The following KIF13B variants were observed in gnomAD, a reference collection of about 807,000 sequenced individuals.
The protein encoded by KIF13B is kinesin-like protein KIF13B.
Under a neutral mutation model 222.0 loss-of-function variants are expected in KIF13B, and 127 were observed. The observed-to-expected ratio is 0.57, with a 90% CI of 0.50 to 0.66. The LOEUF is 0.66. Among genes scored for constraint, KIF13B ranks in the 30% least tolerant of loss-of-function variants. KIF13B has a pLI of 0.00. For synonymous variants in KIF13B, 976 were observed against 919.0 expected, an observed-to-expected ratio of 1.06 and a Z score of -1.12; for missense variants, 2,173 against 2,379.0, an observed-to-expected ratio of 0.91 and a Z score of 1.80.
In KIF13B at chr8:29,177,478, C is replaced by T; in HGVS notation, c.821G>A (p.Ser274Asn). The T allele has an allele frequency of 6.2e-7, 1 of 1,607,034 alleles. No homozygotes were observed. The highest frequency in any genetic ancestry group is 8.5e-7 in the Non-Finnish European group (1 of 1,173,560). ...TGAGAGCACTTACTTGTTAATGTTG[C>T]TCCCTTCCTTCAGCCTGTCCCCTGC... is the stretch of plus-strand genomic sequence containing the variant. ...GAAGDRLKEG[S>N]NINKSLTTLG... is the part of the protein sequence containing the mutation. Residue 274 changes from serine to asparagine, a missense_variant, in exon 9 of 40, where the codon AGC becomes AAC. Transcript: ENST00000524189.
chr8:29,142,127 A>C (rs760188675), intron 19 of KIF13B, 30 bp downstream of exon 19: 14 of 1,591,596 alleles, frequency 8.8e-6, no homozygotes, highest in Admixed American at 5.0e-5. Flanking sequence ...CATAATTACC[A>C]ATTAAGTGAT....
intron 37 of KIF13B, among the ~76,000 whole-genome samples, chr8:29,076,709 A>G (rs1180134813): frequency 6.6e-6 from 1 of 152,260 alleles, no homozygotes; most frequent in Non-Finnish European, 1.5e-5. Context: ...GAAGAAAAGT[A>G]TAAGAGGGAA....
Position 29,181,994 on chromosome 8 carries a change from C to T in KIF13B, c.510G>A (p.Thr170=), listed in dbSNP as rs776342043. ...ACACACTATGCTCTCTGACTTTCAA[C>T]GTCTGACGGCTTCTGTTCATGAAAA... The part of the protein sequence containing the change: ...DLLDPKGSRQ[T]LKVREHSVLG... Residue 170 remains threonine (T), a synonymous_variant, in exon 7 of 40, where the codon ACG becomes ACA. Coordinates refer to ENST00000524189, the MANE Select transcript of KIF13B (RefSeq NM_015254.4). 27 of 1,612,214 alleles carry T rather than the reference C, an allele frequency of 1.7e-5. 1 individual carries two copies. In the Middle Eastern group the frequency reaches 6.6e-4, roughly 39 times the overall value.
chr8:29,118,992 G>T lies in KIF13B; in HGVS notation c.3536C>A (p.Ala1179Asp), dbSNP rs761127372. ...HIPVIFLDLN[A>D]DDFSSQDNLD... ...ATTATCCTGAGAGCTGAAATCATCA[G>T]CTAAAAGCAAAGAAGTTCCATTAAA... The change falls in exon 30 of 40, where the codon GCT becomes GAT. Residue 1179 changes from alanine (A) to aspartate (D), a missense_variant and splice_region_variant. Around this residue, in one of 2 missense-constraint regions of KIF13B, gnomAD observed 1,480 missense variants for 1,722.8 expected, o/e 0.86. Coordinates refer to ENST00000524189, the MANE Select transcript of KIF13B (RefSeq NM_015254.4). 4 of 1,611,984 alleles carry T rather than the reference G, an allele frequency of 2.5e-6. No homozygotes were observed. The Admixed American group carries it at 5.0e-5, about 20-fold the overall frequency.
Position 29,072,169 on chromosome 8 carries a change from G to T in KIF13B, c.4669C>A (p.Pro1557Thr), listed in dbSNP as rs1428654026. 1 of 1,429,680 alleles carries T rather than the reference G, an allele frequency of 7.0e-7. No individual in the cohort carries two copies. The highest frequency in any genetic ancestry group is 9.2e-7 in the Non-Finnish European group (1 of 1,091,740). The allele number at this position is 1,429,680 out of a possible 1,614,324, so 88.6% of individuals were successfully genotyped here. Residue 1557 changes from proline (P) to threonine (T), a missense_variant, in exon 39 of 40, where the codon CCC becomes ACC. Around this residue, in one of 2 missense-constraint regions of KIF13B, gnomAD observed 693 missense variants for 656.2 expected, o/e 1.06. Transcript: ENST00000524189. ...VTPAPEAQDG[P>T]PSPLSEASSG... ...GAGGCTTCACTCAGGGGGCTGGGGG[G>T]CCCGTCCTGTGCCTCCGGAGCCGGG...
intron 1 of KIF13B, among the ~76,000 whole-genome samples, chr8:29,248,162 G>A (rs779436609): frequency 7.9e-5 from 12 of 152,004 alleles, no homozygotes; most frequent in African/African-American, 1.7e-4. Flanking sequence ...GTTAAACAGC[G>A]TTACCATCTG....
chr8:29,151,362 A>C (rs1811289998), intron 14 of KIF13B, among the ~76,000 whole-genome samples: 1 of 152,260 alleles, frequency 6.6e-6, no homozygotes, highest in Non-Finnish European at 1.5e-5. Context: ...GAGAAGCTGC[A>C]GCAAGATCAC....
chr8:29,120,166 G>GTTTTTTTTTT (rs57731633), intron 29 of KIF13B, among the ~76,000 whole-genome samples: 1 of 102,378 alleles, frequency 9.8e-6, no homozygotes, highest in Non-Finnish European at 2.0e-5. Flanking sequence ...AAAAATGACA[G>GTTTTTTTTTT]TTTTTTTTTT....
chr8:29,116,012 G>C lies in KIF13B; in HGVS notation c.3837+819C>G, dbSNP rs553803511. 3.3e-5 allele frequency among the ~76,000 whole-genome samples: 5 copies of C among 152,338 alleles called. No individual in the cohort carries two copies. The South Asian group carries it at 1.0e-3, about 32-fold the overall frequency. ...GCACCACGTGCTCAGCTCAGGCCGA[G>C]AGCAGTTGCCTGTTACGTATCTACC... On this transcript the variant is annotated intron_variant, in intron 31 of 39. Transcript: ENST00000524189.
intron 18 of KIF13B, among the ~76,000 whole-genome samples, chr8:29,143,566 G>C (rs1389370767): frequency 6.6e-6 from 1 of 152,194 alleles, no homozygotes; most frequent in Non-Finnish European, 1.5e-5. Flanking sequence ...AGTAATGTTT[G>C]GCCAGGTGTG....
chr8:29,118,809 C>T (rs1343996851), intron 30 of KIF13B, 59 bp downstream of exon 30: 16 of 1,578,396 alleles, frequency 1.0e-5, no homozygotes, highest in East Asian at 4.5e-5. Flanking sequence ...TCAAAAAGCT[C>T]GAGGAGAGGT....
intron 2 of KIF13B, among the ~76,000 whole-genome samples, chr8:29,203,862 C>A (rs1813809412): frequency 7.1e-6 from 1 of 140,746 alleles, no homozygotes; most frequent in Non-Finnish European, 1.5e-5. Context: ...CCACTGCACT[C>A]CAGCCTGGGT....
At chr8:29,151,779 T>C (rs1446993411) in intron 14 of KIF13B, among the ~76,000 whole-genome samples, 2 of 149,886 alleles carry the variant, frequency 1.3e-5, no homozygotes, top group African/African-American at 4.8e-5. Context: ...AGGATATGAA[T>C]GTTGTTTTCA....
rs1416791217 is a variant in KIF13B, at chr8:29,071,802, G to A, written c.5036C>T (p.Ala1679Val). The change falls in exon 39 of 40, where the codon GCC (alanine) becomes GTC (valine). Residue 1679 changes from alanine to valine, a missense_variant. By Grantham distance (64) the Ala-to-Val change is moderately conservative (BLOSUM62 0). Around this residue, in one of 2 missense-constraint regions of KIF13B, gnomAD observed 693 missense variants for 656.2 expected, o/e 1.06. Coordinates refer to ENST00000524189, the MANE Select transcript of KIF13B (RefSeq NM_015254.4). The surrounding 1 kb of genome is among the most constrained non-coding windows in gnomAD (Gnocchi z 4.9). ...CSPGAEGNAP[A>V]PGAGGQALAS... ...CAGGGCCTGTCCCCCGGCGCCCGGG[G>A]CCGGCGCATTCCCCTCGGCCCCCGG... 1.9e-6 allele frequency: 3 copies of A among 1,545,674 alleles called. No homozygotes were observed. Among genetic ancestry groups the A allele is most frequent in the Non-Finnish European group, 1.7e-6 (2 of 1,146,208 alleles).
Position 29,154,322 on chromosome 8 carries a change from G to A in KIF13B, c.1535+1404C>T, listed in dbSNP as rs370802169. Among the ~76,000 whole-genome samples the A allele has an allele frequency of 2.0e-4, 30 of 151,880 alleles. No homozygotes were observed. In the East Asian group the frequency reaches 3.9e-3, roughly 20 times the overall value. On this transcript the variant is annotated intron_variant, in intron 14 of 39. Coordinates refer to ENST00000524189, the MANE Select transcript of KIF13B (RefSeq NM_015254.4). ...ACAGAATAAGGCCCTGTCAAGAAGAGGGAAGGAAAGGAGGGAAGGGATCGG... is the reference window on the plus strand; with the variant it reads ...ACAGAATAAGGCCCTGTCAAGAAGAAGGAAGGAAAGGAGGGAAGGGATCGG...
intron 1 of KIF13B, among the ~76,000 whole-genome samples, chr8:29,246,436 T>TA (rs200070397): frequency 1.6e-3 from 221 of 139,114 alleles, no homozygotes; most frequent in Middle Eastern, 0.012. Context: ...ATATATCAGT[T>TA]AAAAAAAAAA....
intron 6 of KIF13B, among the ~76,000 whole-genome samples, chr8:29,185,500 G>A (rs1367963010): frequency 6.6e-6 from 1 of 152,216 alleles, no homozygotes; most frequent in Non-Finnish European, 1.5e-5. Flanking sequence ...GAAGCACTGA[G>A]CATCAATTCA....
At chr8:29,246,034 G>A (rs7823030) in intron 1 of KIF13B, among the ~76,000 whole-genome samples, 44,432 of 152,064 alleles carry the variant, frequency 0.29, 8,398 homozygotes, top group East Asian at 0.64. Context: ...AAGACGTGTG[G>A]GGGATATCCC....
chr8:29,100,293 C>T (rs1808729326), intron 35 of KIF13B, among the ~76,000 whole-genome samples: 1 of 152,156 alleles, frequency 6.6e-6, no homozygotes, highest in African/African-American at 2.4e-5. Context: ...AAGAAATAAA[C>T]CCCAAATGTT....
Sources: gnomAD v4.1 joint callset for allele counts (sites outside exome capture counted in the v4.1 genomes callset) on GRCh38, gnomAD v4.1.1 for gene constraint, gnomAD v4.1.1 regional missense constraint, Gnocchi (gnomAD v3.1) non-coding constraint, MANE v1.5 for transcripts, NCBI Gene and HGNC (gene_info 2026-07-23, HGNC 2026-07-21) for gene names.